The following CENPI variants were observed in gnomAD, a reference collection of about 807,000 sequenced individuals.
CENPI encodes the protein FSH primary response 1.
Under a neutral mutation model 60.4 loss-of-function variants are expected in CENPI, and 4 were observed. The ratio of observed to expected loss-of-function variants is 0.07; its 90% confidence interval spans 0.03 to 0.15. CENPI has a LOEUF of 0.15. Among genes scored for constraint, CENPI ranks in the 10% least tolerant of loss-of-function variants. CENPI has a pLI of 1.00. For missense variants in CENPI, 444 were observed against 534.5 expected (o/e 0.83, Z 1.67); for synonymous variants, 157 against 189.4 (o/e 0.83, Z 1.40).
chrX:101,131,232 A>G (rs148840993), intron 13 of CENPI, among the ~76,000 whole-genome samples: 2,043 of 111,133 alleles, frequency 0.018, 57 homozygotes, highest in African/African-American at 0.063. Flanking sequence ...GCTGGTCTCA[A>G]ACTCCTGGGC....
chrX:101,180,073 T>C, the CENPI span, among the ~76,000 whole-genome samples: 1 of 112,277 alleles, frequency 8.9e-6, no homozygotes, highest in East Asian at 2.8e-4. Flanking sequence ...ACTGGTGGTG[T>C]TGAACATACT....
At chrX:101,120,377 T>A in intron 6 of CENPI, 25 bp from the exon 7 acceptor site, 1 of 734,582 alleles carries the variant, frequency 1.4e-6, no homozygotes, top group Non-Finnish European at 2.1e-6. Flanking sequence ...ATCATTTCTC[T>A]TAATATTTTT....
chrX:101,168,561 AAAAAC>A (rs770159793), downstream of CENPI, among the ~76,000 whole-genome samples: 195 of 111,773 alleles, frequency 1.7e-3, no homozygotes, highest in African/African-American at 5.9e-3. Flanking sequence ...CAAGACTCTG[AAAAAC>A]AAAACAAAAC....
chrX:101,135,571 A>G (rs1223948261), intron 15 of CENPI, among the ~76,000 whole-genome samples: 4 of 112,476 alleles, frequency 3.6e-5, no homozygotes, highest in Admixed American at 1.9e-4. Flanking sequence ...GCAAAATGCA[A>G]TCAAATATTT....
chrX:101,126,203 C>T (rs1401394716), intron 8 of CENPI, among the ~76,000 whole-genome samples: 3 of 112,094 alleles, frequency 2.7e-5, no homozygotes, highest in Admixed American at 9.5e-5. Flanking sequence ...TCACATCTTT[C>T]GTTGTGAAAT....
At chrX:101,148,668 C>G (rs751769786) in intron 20 of CENPI, among the ~76,000 whole-genome samples, 16 of 111,861 alleles carry the variant, frequency 1.4e-4, no homozygotes, top group Non-Finnish European at 2.6e-4. Flanking sequence ...CCTTTCAGGA[C>G]TTCATTCTCA....
At position 101,099,402 on chromosome X, in the gene CENPI, C is replaced by T. The variant is rs146475487; in HGVS notation, c.-14+863C>T. ...GAGATAGAGATTGCGCCACTGCAGTCCAGCCTGGGTGACAGAGTGAGACTG... is the reference window on the plus strand; with the variant it reads ...GAGATAGAGATTGCGCCACTGCAGTTCAGCCTGGGTGACAGAGTGAGACTG... On this transcript the variant is annotated intron_variant, in intron 2 of 21. Coordinates refer to ENST00000682095, the MANE Select transcript of CENPI (RefSeq NM_001386188.2). Among the ~76,000 whole-genome samples, 974 of 105,336 alleles carry T rather than the reference C, an allele frequency of 9.2e-3. 13 individuals are homozygous for T. The highest frequency in any genetic ancestry group is 0.033 in the African/African-American group (935 of 28,716). The allele number at this position is 105,336 out of a possible 115,157, so 91.5% of individuals were successfully genotyped here.
downstream of CENPI, among the ~76,000 whole-genome samples, chrX:101,170,283 G>A (rs1426721848): frequency 1.8e-5 from 2 of 112,086 alleles, no homozygotes; most frequent in African/African-American, 3.2e-5. Context: ...GTAACATGCT[G>A]TTCAGATTTG....
chrX:101,150,177 C>A (rs925465705), intron 20 of CENPI, among the ~76,000 whole-genome samples: 2 of 106,219 alleles, frequency 1.9e-5, no homozygotes, highest in African/African-American at 3.4e-5. Context: ...TATACAATAA[C>A]CTGTGTCAAA....
chrX:101,146,951 G>C (rs886582484), intron 18 of CENPI, among the ~76,000 whole-genome samples: 7 of 111,179 alleles, frequency 6.3e-5, no homozygotes, highest in African/African-American at 2.0e-4. Context: ...GGCCAAGCTG[G>C]TCTCGAACTC....
intron 18 of CENPI, among the ~76,000 whole-genome samples, chrX:101,147,045 C>T (rs1396099285): frequency 9.0e-6 from 1 of 111,473 alleles, no homozygotes; most frequent in Non-Finnish European, 1.9e-5. Flanking sequence ...TTAGTGTAGA[C>T]CTTCTTGGCA....
At chrX:101,170,005 G>A (rs1602877081), downstream of CENPI, among the ~76,000 whole-genome samples, 2 of 111,704 alleles carry the variant, frequency 1.8e-5, no homozygotes, top group Non-Finnish European at 3.8e-5. Flanking sequence ...GTAAGCTAAG[G>A]CTAATTTATT....
chrX:101,110,723 T>G (rs1013611556), intron 6 of CENPI, among the ~76,000 whole-genome samples: 1 of 112,185 alleles, frequency 8.9e-6, no homozygotes, highest in African/African-American at 3.2e-5. Context: ...GGTTTCTATA[T>G]TCCACGAACT....
chrX:101,115,713 A>G (rs1038424036), intron 6 of CENPI, among the ~76,000 whole-genome samples: 1 of 112,041 alleles, frequency 8.9e-6, no homozygotes, highest in African/African-American at 3.2e-5. Context: ...GACATGAATT[A>G]CATTCACAGT....
At chrX:101,151,540 T>C (rs1179581913) in intron 20 of CENPI, among the ~76,000 whole-genome samples, 1 of 111,571 alleles carries the variant, frequency 9.0e-6, no homozygotes, top group Non-Finnish European at 1.9e-5. Flanking sequence ...GGTAGAATAG[T>C]ATGATGAAGC....
chrX:101,128,590 A>G (rs929765900), intron 11 of CENPI, 126 bp from the exon 12 acceptor site: 8 of 616,686 alleles, frequency 1.3e-5, no homozygotes, highest in Non-Finnish European at 1.7e-5. Context: ...TCAGCCTCCC[A>G]AAGTGTTGGG....
chrX:101,162,900 TAAG>T lies in CENPI; in HGVS notation c.2208_2210del (p.Arg736del). On this transcript the variant is annotated inframe_deletion, in exon 22 of 22. Transcript: ENST00000682095. ...GGGTTACAAGGCTTGAAACTTTTTA[TAAG>T]AAGTAGTGTTCATCATTCTTCCATT... 8.3e-7 allele frequency: 1 copy of T among 1,207,507 alleles called. No homozygotes were observed. Among genetic ancestry groups the T allele is most frequent in the Non-Finnish European group, 1.1e-6 (1 of 891,746 alleles).
intron 21 of CENPI, among the ~76,000 whole-genome samples, chrX:101,162,473 A>AAAATATATATATATATATATAT (rs1303045267): frequency 5.9e-5 from 4 of 68,112 alleles, no homozygotes; most frequent in Admixed American, 3.5e-4. Flanking sequence ...AAAAAAAAAA[A>AAAATATATATATATATATATAT]ATATATATAT....
intron 12 of CENPI, among the ~76,000 whole-genome samples, chrX:101,129,158 C>T (rs766493298): frequency 9.0e-6 from 1 of 111,564 alleles, no homozygotes; most frequent in African/African-American, 3.3e-5. Flanking sequence ...GGTAACGAAA[C>T]TCAGAAGAGA....
Sources: allele counts gnomAD v4.1 joint callset (sites outside exome capture counted in the v4.1 genomes callset), GRCh38; gene constraint gnomAD v4.1.1; transcripts MANE v1.5; gene names NCBI Gene and HGNC (gene_info 2026-07-23, HGNC 2026-07-21).